Variants in LTN1 observed in about 807,000 individuals in gnomAD.
LTN1 encodes the protein E3 ubiquitin-protein ligase listerin.
LTN1 carries 88 observed loss-of-function variants against 201.2 expected under a neutral mutation model. The ratio of observed to expected loss-of-function variants is 0.44; its 90% CI spans 0.37 to 0.52. The LOEUF (loss-of-function observed/expected upper bound fraction) is 0.52, where lower values mean the gene tolerates loss of function less well. LTN1 is among the 20% of genes least tolerant of loss of function. The pLI, the probability that LTN1 is intolerant of heterozygous loss-of-function variation, is 0.00. For synonymous variants in LTN1, 645 were observed against 713.5 expected, an observed-to-expected ratio of 0.90 and a Z score of 1.53; for missense variants, 1,752 against 2,038.7, an observed-to-expected ratio of 0.86 and a Z score of 2.71.
At chr21:28,978,096 A>G (rs914747419) in intron 6 of LTN1, among the ~76,000 whole-genome samples, 8 of 152,020 alleles carry the variant, frequency 5.3e-5, no homozygotes, top group Non-Finnish European at 1.2e-4. Context: ...TGGCACAATC[A>G]TGGCTCGCTG....
Position 28,930,479 on chromosome 21 carries a change from G to A in LTN1, c.5270C>T (p.Thr1757Ile). 6.2e-7 allele frequency: 1 copy of A among 1,613,312 alleles called. No individual in the cohort carries two copies. The highest frequency in any genetic ancestry group is 2.2e-5 in the East Asian group (1 of 44,812). ...YKWFTSSNKS[T>I]CPLCRETFF Reference sequence around the variant, plus strand: ...AAACGTCTCACGACACAGTGGACAAGTGGATTTGTTGCTAGATGTAAACCA... The same window carrying A: ...AAACGTCTCACGACACAGTGGACAAATGGATTTGTTGCTAGATGTAAACCA... The change falls in exon 30 of 30, where the codon ACT becomes ATT. Residue 1757 changes from threonine to isoleucine, a missense_variant. Physicochemically the swap from Thr to Ile is moderately conservative, Grantham distance 89. Around this residue, in one of 3 missense-constraint regions of LTN1, gnomAD observed 261 missense variants for 350.1 expected, o/e 0.75. Transcript: ENST00000361371.
intron 24 of LTN1, among the ~76,000 whole-genome samples, chr21:28,942,881 T>G (rs2084308137): frequency 6.6e-6 from 1 of 152,250 alleles, no homozygotes; most frequent in African/African-American, 2.4e-5. Context: ...CAGTATCATC[T>G]GTATCAGATA....
intron 28 of LTN1, among the ~76,000 whole-genome samples, chr21:28,931,773 G>C (rs2084212802): frequency 1.3e-5 from 2 of 152,158 alleles, no homozygotes; most frequent in Admixed American, 1.3e-4. Flanking sequence ...AGGCTAAGGT[G>C]GGTAGATCAC....
Position 28,929,489 on chromosome 21 carries a change from C to A in LTN1, c.*959G>T, listed in dbSNP as rs1048721169. 1 of 152,184 alleles carries A rather than the reference C, an allele frequency of 6.6e-6. No individual in the cohort carries two copies. Among genetic ancestry groups the A allele is most frequent in the African/African-American group, 2.4e-5 (1 of 41,408 alleles). The allele number at this position is 152,184 out of a possible 1,614,324, so 9.4% of individuals were successfully genotyped here. A position where few individuals can be genotyped will look rare whatever the true frequency, so the allele number is the denominator to read the frequency against. On this transcript the variant is annotated 3_prime_UTR_variant, in exon 30 of 30. Coordinates refer to ENST00000361371, the MANE Select transcript of LTN1 (RefSeq NM_015565.3). ...CTGAAGGCTGAAAAACATTTGCTCC[C>A]CCAAGTCTCTTATTTAGTATAACTT... is the stretch of plus-strand genomic sequence containing the variant.
At chr21:28,938,486 AAGTT>A (rs1210385307) in intron 25 of LTN1, among the ~76,000 whole-genome samples, 6 of 152,234 alleles carry the variant, frequency 3.9e-5, no homozygotes, top group South Asian at 2.1e-4. Flanking sequence ...TCAAAACAAA[AAGTT>A]AGAGATTTTT....
chr21:28,955,471 T>C (rs2146283944), intron 16 of LTN1, among the ~76,000 whole-genome samples: 1 of 152,226 alleles, frequency 6.6e-6, no homozygotes, highest in Non-Finnish European at 1.5e-5. Flanking sequence ...CCATTGAATA[T>C]TTAGAAAACC....
At chr21:28,952,616 C>A (rs549308385) in intron 17 of LTN1, among the ~76,000 whole-genome samples, 1 of 152,266 alleles carries the variant, frequency 6.6e-6, no homozygotes, top group Non-Finnish European at 1.5e-5. Flanking sequence ...TTAAGTTGAA[C>A]AATCAAAGAG....
At chr21:28,970,821 T>A in intron 7 of LTN1, 79 bp from the exon 8 acceptor site, 1 of 1,099,632 alleles carries the variant, frequency 9.1e-7, no homozygotes, top group Non-Finnish European at 1.2e-6. Flanking sequence ...ACATATAGGC[T>A]CTCAAAAAGA....
At chr21:28,959,101 A>G (rs1416963648) in intron 13 of LTN1, among the ~76,000 whole-genome samples, 1 of 152,196 alleles carries the variant, frequency 6.6e-6, no homozygotes, top group Non-Finnish European at 1.5e-5. Flanking sequence ...CCAAAGATTG[A>G]ATGTTTTTAC....
At position 28,986,170 on chromosome 21, in the gene LTN1, T is replaced by C. The variant is rs1316185988; in HGVS notation, c.314A>G (p.Tyr105Cys). The change falls in exon 3 of 30, where the codon TAT becomes TGT. Residue 105 changes from tyrosine (Y) to cysteine (C), a missense_variant. This residue lies in a region of LTN1 where 280 missense variants were observed against 375.7 expected (regional missense o/e 0.75). Coordinates refer to ENST00000361371, the MANE Select transcript of LTN1 (RefSeq NM_015565.3). This position sits in a 1 kb window ranked among gnomAD's most constrained non-coding sequence, Gnocchi z 4.1. ...AATTTTGCAAAAAATTCTTGGCCAA[T>C]ATGGAAGAACTCCTTTCACAGTTTC... is the stretch of plus-strand genomic sequence containing the variant. ...DTETVKGVLP[Y>C]WPRIFCKISL... 2 of 1,610,544 alleles carry C rather than the reference T, an allele frequency of 1.2e-6. No individual in the cohort carries two copies. Among genetic ancestry groups the C allele is most frequent in the Non-Finnish European group, 1.7e-6 (2 of 1,176,874 alleles).
Position 28,966,488 on chromosome 21 carries a change from C to G in LTN1, c.2003G>C (p.Gly668Ala), listed in dbSNP as rs2084524297. 1 of 1,614,014 alleles carries G rather than the reference C, an allele frequency of 6.2e-7. No individual in the cohort carries two copies. The highest frequency in any genetic ancestry group is 8.5e-7 in the Non-Finnish European group (1 of 1,180,026). Residue 668 changes from glycine to alanine, a missense_variant, in exon 10 of 30, where the codon GGT becomes GCT. Transcript: ENST00000361371. Reference protein sequence around the residue: ...AVQFLYQKLIGWLNEDQRKDF... With the variant: ...AVQFLYQKLIAWLNEDQRKDF... ...CTTCCTTTGATCTTCATTTAGCCAA[C>G]CTATCAGTTTCTGGTATAAAAACTG...
chr21:28,932,696 A>G, intron 27 of LTN1, 32 bp from the exon 28 acceptor site: 1 of 1,494,540 alleles, frequency 6.7e-7, no homozygotes, highest in African/African-American at 1.4e-5. Context: ...TTTGTTTGCC[A>G]AATTTCTGTC....
In LTN1 at chr21:28,958,586, T is replaced by C. The variant is rs909679421; in HGVS notation, c.2594-47A>G. ...GAATTTGTAATCTCACTGAATTAAC[T>C]CTCATCAGCACAAAATGTTTGAAAC... On this transcript the variant is annotated intron_variant, in intron 13 of 29. Coordinates refer to ENST00000361371, the MANE Select transcript of LTN1 (RefSeq NM_015565.3). 7 of 1,373,620 alleles carry C rather than the reference T, an allele frequency of 5.1e-6. No homozygotes were observed. In the East Asian group the frequency reaches 9.5e-5, roughly 19 times the overall value. 85.1% of individuals were successfully genotyped at this position (1,373,620 alleles called of 1,614,324 possible).
Position 28,965,720 on chromosome 21 carries a change from T to C in LTN1, c.2163+145A>G, listed in dbSNP as rs2084515806. 4.2e-5 allele frequency: 23 copies of C among 549,856 alleles called. 1 individual carries two copies. The South Asian group carries it at 5.2e-4, about 12-fold the overall frequency. 34.1% of individuals were successfully genotyped at this position (549,856 alleles called of 1,614,324 possible). A position where few individuals can be genotyped will look rare whatever the true frequency, so the allele number is the denominator to read the frequency against. ...AAAGAACAAATATCTTCCCACATTA[T>C]AGGAAGAAAGTTACAATAATGAGGA... On this transcript the variant is annotated intron_variant, in intron 11 of 29. Transcript: ENST00000361371.
chr21:28,965,482 T>C (rs2084514027), intron 11 of LTN1, among the ~76,000 whole-genome samples: 1 of 152,182 alleles, frequency 6.6e-6, no homozygotes, highest in South Asian at 2.1e-4. Context: ...CTTAATTTTC[T>C]CATGTGTTCT....
rs778876818 is a variant in LTN1, at chr21:28,967,115, T to C, written c.1376A>G (p.His459Arg). 4 of 1,614,120 alleles carry C rather than the reference T, an allele frequency of 2.5e-6. No individual in the cohort carries two copies. Among genetic ancestry groups the C allele is most frequent in the Non-Finnish European group, 3.4e-6 (4 of 1,179,998 alleles). The change falls in exon 10 of 30, where the codon CAT becomes CGT. Residue 459 changes from histidine (H) to arginine (R), a missense_variant. His to Arg is a conservative substitution (Grantham distance 29, BLOSUM62 0). Around this residue, in one of 3 missense-constraint regions of LTN1, gnomAD observed 1,211 missense variants for 1,312.8 expected, o/e 0.92. Transcript: ENST00000361371. ...PGLQHGQLFN[H>R]LAETLSSWEA... ...CCAGGAACTTAGAGTTTCTGCTAAA[T>C]GGTTAAATAGCTGCCCATGTTGCAA... is the stretch of plus-strand genomic sequence containing the variant.
In LTN1 at chr21:28,935,207, T is replaced by C; in HGVS notation, c.4777A>G (p.Ile1593Val). The stretch of plus-strand genomic sequence containing the variant: ...TACTTGCTTGTAAATCTATCCACAA[T>C]ATTGAAAACACGCTTCTCACTGCTA... ...WNSSEKRVFN[I>V]VDRFTSKYVS... The change falls in exon 27 of 30, where the codon ATT becomes GTT. Residue 1593 changes from isoleucine (I) to valine (V), a missense_variant. Around this residue, in one of 3 missense-constraint regions of LTN1, gnomAD observed 261 missense variants for 350.1 expected, o/e 0.75. Transcript: ENST00000361371. 1 of 1,613,328 alleles carries C rather than the reference T, an allele frequency of 6.2e-7. No individual in the cohort carries two copies. Among genetic ancestry groups the C allele is most frequent in the Non-Finnish European group, 8.5e-7 (1 of 1,179,238 alleles).
In LTN1 at chr21:28,947,415, T is replaced by A. The variant is rs776961021; in HGVS notation, c.3487+49A>T. 3.5e-6 allele frequency: 5 copies of A among 1,411,732 alleles called. No homozygotes were observed. In the Admixed American group the frequency reaches 9.3e-5, roughly 26 times the overall value. The allele number at this position is 1,411,732 out of a possible 1,614,324, so 87.5% of individuals were successfully genotyped here. A position where few individuals can be genotyped will look rare whatever the true frequency, so the allele number is the denominator to read the frequency against. ...CTTATATATTAGAAACAGTTCTTCATCTCAAGCAATAATTAAATTAATGAA... is the reference window on the plus strand; with the variant it reads ...CTTATATATTAGAAACAGTTCTTCAACTCAAGCAATAATTAAATTAATGAA... On this transcript the variant is annotated intron_variant, in intron 19 of 29. Transcript: ENST00000361371.
intron 22 of LTN1, 152 bp from the exon 23 acceptor site, chr21:28,944,056 T>C (rs2084318206): frequency 6.4e-6 from 4 of 625,836 alleles, no homozygotes; most frequent in African/African-American, 1.8e-5. Context: ...GAACTGAATA[T>C]ATATTCCAGT....
Sources: gnomAD v4.1 joint callset for allele counts (sites outside exome capture counted in the v4.1 genomes callset) on GRCh38, gnomAD v4.1.1 for gene constraint, gnomAD v4.1.1 regional missense constraint, Gnocchi (gnomAD v3.1) non-coding constraint, MANE v1.5 for transcripts, NCBI Gene and HGNC (gene_info 2026-07-23, HGNC 2026-07-21) for gene names.